CFAP96: variants seen among roughly 807,000 people sequenced by gnomAD.
The protein encoded by CFAP96 is cilia and flagella associated protein 96.
chr4:185,421,788 G>A, the CFAP96 span, among the ~76,000 whole-genome samples: 2 of 152,138 alleles, frequency 1.3e-5, no homozygotes, highest in Admixed American at 6.5e-5. Context: ...ACCACTACTC[G>A]TACTTTTCAT....
chr4:185,428,947 A>G, the CFAP96 span, among the ~76,000 whole-genome samples: 2 of 152,248 alleles, frequency 1.3e-5, no homozygotes. Context: ...CATTGTATTT[A>G]AACTGTAAAA....
chr4:185,440,528 T>A, the CFAP96 span: 12 of 1,485,610 alleles, frequency 8.1e-6, no homozygotes, highest in Non-Finnish European at 9.8e-6. Flanking sequence ...TTTCAAACTC[T>A]TTAATTCACA....
At chr4:185,426,673 G>A in the CFAP96 span, among the ~76,000 whole-genome samples, 24 of 152,174 alleles carry the variant, frequency 1.6e-4, no homozygotes, top group Admixed American at 1.4e-3. Flanking sequence ...TTGCCCCGAA[G>A]GGGATTGCAG....
the CFAP96 span, among the ~76,000 whole-genome samples, chr4:185,412,833 G>C: frequency 6.6e-6 from 1 of 152,040 alleles, no homozygotes; most frequent in Non-Finnish European, 1.5e-5. Flanking sequence ...CAGCTCTATT[G>C]GTATTCCTAA....
the CFAP96 span, among the ~76,000 whole-genome samples, chr4:185,419,077 G>A: frequency 3.1e-4 from 47 of 151,802 alleles, no homozygotes; most frequent in Admixed American, 9.8e-4. Flanking sequence ...ACCAGCAGTC[G>A]TTTCTCATTC....
At chr4:185,432,207 T>C in the CFAP96 span, 5 of 1,548,806 alleles carry the variant, frequency 3.2e-6, no homozygotes, top group Non-Finnish European at 4.4e-6. Flanking sequence ...AAGCCGTAAG[T>C]GTTTTTTGGG....
At chr4:185,425,840 G>C in the CFAP96 span, 17 of 1,601,434 alleles carry the variant, frequency 1.1e-5, no homozygotes, top group Non-Finnish European at 1.4e-5. Context: ...AAAACACAGG[G>C]GTCGGTGACG....
At chr4:185,415,474 G>C in the CFAP96 span, 2 of 866,658 alleles carry the variant, frequency 2.3e-6, no homozygotes, top group Non-Finnish European at 3.4e-6. Context: ...AAGGAAGTCT[G>C]AATTATACAT....
the CFAP96 span, chr4:185,436,387 CCTTT>C: frequency 3.4e-6 from 5 of 1,455,196 alleles, no homozygotes; most frequent in Middle Eastern, 2.0e-4. Flanking sequence ...AATGTTTCAA[CCTTT>C]CTTTTATTTA....
chr4:185,413,357 C>CA, the CFAP96 span, among the ~76,000 whole-genome samples: 2 of 152,130 alleles, frequency 1.3e-5, no homozygotes, highest in African/African-American at 4.8e-5. Context: ...CATTGCACTA[C>CA]AGCCTGAGTG....
the CFAP96 span, chr4:185,413,764 G>T: frequency 6.2e-7 from 1 of 1,613,272 alleles, no homozygotes; most frequent in African/African-American, 1.3e-5. Context: ...AGGTAAGTAT[G>T]TGGATTTCTA....
At chr4:185,429,434 C>T in the CFAP96 span, 7 of 1,535,106 alleles carry the variant, frequency 4.6e-6, no homozygotes, top group East Asian at 2.5e-5. Context: ...GGAGGAAAAA[C>T]GGACATGGAA....
the CFAP96 span, chr4:185,416,219 T>C: frequency 6.3e-6 from 1 of 158,518 alleles, no homozygotes; most frequent in Non-Finnish European, 1.4e-5. Context: ...GAAGTAAAGA[T>C]GAAATCAGAC....
chr4:185,422,359 G>A, the CFAP96 span: 13 of 731,348 alleles, frequency 1.8e-5, no homozygotes, highest in African/African-American at 1.1e-4. Context: ...CCCATTTAAT[G>A]TACTTACTAA....
At chr4:185,410,816 C>A in the CFAP96 span, among the ~76,000 whole-genome samples, 1 of 150,706 alleles carries the variant, frequency 6.6e-6, no homozygotes, top group Non-Finnish European at 1.5e-5. Flanking sequence ...CGTGGTAGCA[C>A]CCTCCTGTAA....
chr4:185,413,238 A>G, the CFAP96 span, among the ~76,000 whole-genome samples: 1 of 152,022 alleles, frequency 6.6e-6, no homozygotes, highest in Non-Finnish European at 1.5e-5. Flanking sequence ...AAATACAAAA[A>G]TTAGCCAGGT....
the CFAP96 span, among the ~76,000 whole-genome samples, chr4:185,446,682 G>A: frequency 6.6e-6 from 1 of 150,888 alleles, no homozygotes; most frequent in African/African-American, 2.4e-5. Context: ...AATTTTAAAT[G>A]TTATATAGTT....
At chr4:185,435,424 A>G in the CFAP96 span, among the ~76,000 whole-genome samples, 1 of 152,242 alleles carries the variant, frequency 6.6e-6, no homozygotes, top group South Asian at 2.1e-4. Flanking sequence ...ATTAGAGACT[A>G]TGACTGTTGC....
the CFAP96 span, among the ~76,000 whole-genome samples, chr4:185,434,161 G>A: frequency 2.0e-5 from 3 of 151,992 alleles, no homozygotes; most frequent in African/African-American, 7.3e-5. Context: ...TGAGGCTGCG[G>A]TGAGCTGAGA....
Sources: allele counts gnomAD v4.1 joint callset (sites outside exome capture counted in the v4.1 genomes callset), GRCh38; gene constraint gnomAD v4.1.1; transcripts MANE v1.5; gene names NCBI Gene and HGNC (gene_info 2026-07-23, HGNC 2026-07-21).